SLC4A4: variants seen among roughly 807,000 people sequenced by gnomAD.
SLC4A4 encodes electrogenic sodium bicarbonate cotransporter 1.
Under a neutral mutation model 111.5 loss-of-function variants are expected in SLC4A4, and 27 were observed. The ratio of observed to expected loss-of-function variants is 0.24; its 90% CI spans 0.18 to 0.33. The LOEUF (loss-of-function observed/expected upper bound fraction) is 0.33. Among genes scored for constraint, SLC4A4 ranks in the 10% least tolerant of loss-of-function variants. SLC4A4 has a pLI of 1.00. For synonymous variants in SLC4A4, 443 were observed against 463.4 expected, an observed-to-expected ratio of 0.96 and a Z score of 0.57; for missense variants, 909 against 1,315.5, an observed-to-expected ratio of 0.69 and a Z score of 4.78.
intron 20 of SLC4A4, among the ~76,000 whole-genome samples, 200 bp from the exon 21 acceptor site, chr4:71,554,940 A>C (rs761278963): frequency 2.6e-5 from 4 of 151,868 alleles, no homozygotes; most frequent in Non-Finnish European, 5.9e-5. Context: ...TTGAAAGTCC[A>C]TTATACCCTT....
intron 8 of SLC4A4, among the ~76,000 whole-genome samples, chr4:71,441,671 A>G (rs1326084815): frequency 6.6e-6 from 1 of 152,172 alleles, no homozygotes; most frequent in Non-Finnish European, 1.5e-5. Flanking sequence ...CCAACAGTGT[A>G]AAGAGGCTCA....
At chr4:71,364,311 G>C (rs1731052179) in intron 6 of SLC4A4, among the ~76,000 whole-genome samples, 1 of 152,162 alleles carries the variant, frequency 6.6e-6, no homozygotes, top group Non-Finnish European at 1.5e-5. Flanking sequence ...TAAAATAAGG[G>C]TAGTGATGTC....
chr4:71,109,485 G>A (rs1475634805), intron 2 of SLC4A4, among the ~76,000 whole-genome samples: 1 of 152,068 alleles, frequency 6.6e-6, no homozygotes, highest in African/African-American at 2.4e-5. Context: ...AGCAATCAAC[G>A]ATTGGAGCTC....
At chr4:71,375,045 G>A (rs2148939071) in intron 6 of SLC4A4, among the ~76,000 whole-genome samples, 1 of 152,078 alleles carries the variant, frequency 6.6e-6, no homozygotes, top group East Asian at 1.9e-4. Flanking sequence ...CCATATTGTT[G>A]CTTGCCTCAG....
intron 18 of SLC4A4, among the ~76,000 whole-genome samples, chr4:71,541,278 C>G (rs995682589): frequency 2.0e-5 from 3 of 152,080 alleles, no homozygotes; most frequent in African/African-American, 7.2e-5. Flanking sequence ...AAAAAAGATT[C>G]ATTCGTGAGG....
At chr4:71,242,886 G>T (rs749028924) in intron 2 of SLC4A4, among the ~76,000 whole-genome samples, 7 of 151,896 alleles carry the variant, frequency 4.6e-5, no homozygotes, top group Non-Finnish European at 8.8e-5. Context: ...CTTACCTACT[G>T]CTTCTTATAT....
intron 3 of SLC4A4, among the ~76,000 whole-genome samples, chr4:71,262,596 T>C (rs1475370088): frequency 1.3e-5 from 2 of 152,236 alleles, no homozygotes; most frequent in Admixed American, 6.5e-5. Flanking sequence ...GTTTCTCTTA[T>C]GTCTGCCACT....
intron 14 of SLC4A4, among the ~76,000 whole-genome samples, chr4:71,478,827 GT>G (rs934106583): frequency 2.6e-5 from 4 of 151,722 alleles, no homozygotes; most frequent in African/African-American, 7.3e-5. Flanking sequence ...AAAATGTATT[GT>G]TTTTTAAAAT....
chr4:71,086,200 CTGTT>C (rs1316000145), intron 1 of SLC4A4, among the ~76,000 whole-genome samples: 2 of 151,538 alleles, frequency 1.3e-5, no homozygotes, highest in African/African-American at 4.9e-5. Context: ...ATTTGGCTCT[CTGTT>C]TGTCTGTTAT....
chr4:71,465,541 C>G (rs569529462), intron 12 of SLC4A4, among the ~76,000 whole-genome samples: 1 of 149,762 alleles, frequency 6.7e-6, no homozygotes, highest in Admixed American at 6.6e-5. Flanking sequence ...ACCACGATAA[C>G]TTTTGCACCA....
intron 2 of SLC4A4, among the ~76,000 whole-genome samples, chr4:71,179,640 A>T (rs988905182): frequency 1.3e-5 from 2 of 152,202 alleles, no homozygotes; most frequent in African/African-American, 4.8e-5. Context: ...ACTCCAACTT[A>T]CAAGGGATGT....
chr4:71,547,527 C>T (rs761641628), intron 19 of SLC4A4, 121 bp from the exon 20 acceptor site: 13 of 806,044 alleles, frequency 1.6e-5, no homozygotes, highest in African/African-American at 3.4e-5. Flanking sequence ...ATGATATCAA[C>T]ACCTTTGTTG....
At chr4:71,442,272 T>G (rs2149061239) in intron 8 of SLC4A4, among the ~76,000 whole-genome samples, 1 of 152,280 alleles carries the variant, frequency 6.6e-6, no homozygotes, top group South Asian at 2.1e-4. Context: ...CTCACTAACT[T>G]TTTTCTTTTA....
At chr4:71,449,005 C>T (rs1725518584) in intron 9 of SLC4A4, among the ~76,000 whole-genome samples, 1 of 151,950 alleles carries the variant, frequency 6.6e-6, no homozygotes, top group African/African-American at 2.4e-5. Flanking sequence ...ATACTTTCTC[C>T]TAAGATGTAT....
intron 1 of SLC4A4, among the ~76,000 whole-genome samples, chr4:71,089,992 A>T (rs986915914): frequency 2.0e-5 from 3 of 149,262 alleles, no homozygotes; most frequent in Non-Finnish European, 3.0e-5. Flanking sequence ...CTGCCCCCAG[A>T]GGTGGAGTCT....
chr4:71,311,978 C>T (rs189267903), intron 3 of SLC4A4, among the ~76,000 whole-genome samples: 31 of 146,534 alleles, frequency 2.1e-4, no homozygotes, highest in African/African-American at 4.7e-4. Context: ...TCAATGATTG[C>T]GGGAGCTGGT....
intron 1 of SLC4A4, among the ~76,000 whole-genome samples, chr4:71,193,245 C>T (rs553681013): frequency 7.2e-5 from 11 of 152,254 alleles, no homozygotes; most frequent in African/African-American, 2.4e-4. Flanking sequence ...CTGCAAGCTC[C>T]GCCTCCCAGG....
chr4:71,162,305 T>C (rs1318761558), intron 2 of SLC4A4, among the ~76,000 whole-genome samples: 1 of 152,196 alleles, frequency 6.6e-6, no homozygotes, highest in Non-Finnish European at 1.5e-5. Context: ...AGGAGAGCCA[T>C]GCTTTGAATC....
chr4:71,571,272 A>T lies in SLC4A4; in HGVS notation c.*3521A>T, dbSNP rs1020188241. 6.6e-6 allele frequency: 1 copy of T among 152,272 alleles called. No individual in the cohort carries two copies. The highest frequency in any genetic ancestry group is 1.5e-5 in the Non-Finnish European group (1 of 67,884). 9.4% of individuals were successfully genotyped at this position (152,272 alleles called of 1,614,324 possible). A position where few individuals can be genotyped will look rare whatever the true frequency, so the allele number is the denominator to read the frequency against. The stretch of plus-strand genomic sequence containing the variant: ...GACAAAGCCTTCTTCAATCCTTTTC[A>T]TACTACTTAATGATTTTGGTGCAGG... On this transcript the variant is annotated 3_prime_UTR_variant, in exon 26 of 26. Transcript: ENST00000264485.
Sources: allele counts gnomAD v4.1 joint callset (sites outside exome capture counted in the v4.1 genomes callset), GRCh38; gene constraint gnomAD v4.1.1; transcripts MANE v1.5; gene names NCBI Gene and HGNC (gene_info 2026-07-23, HGNC 2026-07-21).